The following PKD1 variants were observed in gnomAD, a reference collection of about 807,000 sequenced individuals.
PKD1 encodes the protein polycystin 1, transient receptor potential channel interacting, also known as polycystin-1.
In PKD1, 81 loss-of-function variants were observed where a neutral mutation model predicts 361.7. The ratio of observed to expected loss-of-function variants is 0.22; its 90% CI spans 0.19 to 0.27. PKD1 has a LOEUF of 0.27. Ranked by LOEUF, PKD1 falls within the 10% of genes least tolerant of loss-of-function variation. The probability of loss-of-function intolerance (pLI) is 1.00; values close to 1 mark genes in which losing one functional copy is unlikely to be tolerated. For synonymous variants in PKD1, 3,615 were observed against 2,818.3 expected (o/e 1.28, Z -8.95); for missense variants, 6,399 against 6,118.3 (o/e 1.05, Z -1.53).
rs571652255 is a variant in PKD1, at chr16:2,117,854, G to A, written c.1138C>T (p.Arg380Cys). 49 of 1,291,930 alleles carry A rather than the reference G, an allele frequency of 3.8e-5. No individual in the cohort carries two copies. The East Asian group carries it at 5.3e-4, about 14-fold the overall frequency. 80.0% of individuals were successfully genotyped at this position (1,291,930 alleles called of 1,614,324 possible). ...DESLDLSIQN[R>C]GGSGLEAAYS... Reference sequence around the variant, plus strand: ...GCGGCCTCCAGGCCTGAACCACCGCGGTTCTGGATGCTGAGGTCGAGGCTC... The same window carrying A: ...GCGGCCTCCAGGCCTGAACCACCGCAGTTCTGGATGCTGAGGTCGAGGCTC... The change falls in exon 5 of 46, where the codon CGC becomes TGC. Residue 380 changes from arginine to cysteine, a missense_variant. By Grantham distance (180) the Arg-to-Cys change is radical. Coordinates refer to ENST00000262304, the MANE Select transcript of PKD1 (RefSeq NM_001009944.3).
In PKD1 at chr16:2,089,786, T is replaced by A. The variant is rs1341672915; in HGVS notation, c.12853A>T (p.Thr4285Ser). 1 of 1,597,706 alleles carries A rather than the reference T, an allele frequency of 6.3e-7. No homozygotes were observed. The highest frequency in any genetic ancestry group is 8.5e-7 in the Non-Finnish European group (1 of 1,173,324). The part of the protein sequence containing the change: ...ARASRGVDLA[T>S]GPSRTPLRAK... ...CGAAGGGGTGTCCTGCTGGGGCCAG[T>A]GGCCAGGTCCACACCCCGACTGGCC... Residue 4285 changes from threonine (T) to serine (S), a missense_variant, in exon 46 of 46, where the codon ACT becomes TCT. Transcript: ENST00000262304.
In PKD1 at chr16:2,118,508, C is replaced by G; in HGVS notation, c.530-46G>C. 1 of 1,407,126 alleles carries G rather than the reference C, an allele frequency of 7.1e-7. No individual in the cohort carries two copies. Among genetic ancestry groups the G allele is most frequent in the African/African-American group, 1.4e-5 (1 of 70,596 alleles). 87.2% of individuals were successfully genotyped at this position (1,407,126 alleles called of 1,614,324 possible). On this transcript the variant is annotated intron_variant, in intron 4 of 45. Coordinates refer to ENST00000262304, the MANE Select transcript of PKD1 (RefSeq NM_001009944.3). The surrounding 1 kb of genome is among the most constrained non-coding windows in gnomAD (Gnocchi z 6.0). ...ACCCCGGGTTCTGCTCCTCCTGGCT[C>G]CACCCCACGCCCCCACATCCGCCCG...
Position 2,090,720 on chromosome 16 carries a change from A to T in PKD1, c.12092T>A (p.Leu4031Ter). 1 of 1,612,580 alleles carries T rather than the reference A, an allele frequency of 6.2e-7. No individual in the cohort carries two copies. Among genetic ancestry groups the T allele is most frequent in the Non-Finnish European group, 8.5e-7 (1 of 1,179,954 alleles). ...RALPELLGVT[L>*]GLVVLGVAYA... Reference sequence around the variant, plus strand: ...GGCTACCCCGAGCACCACCAGGCCCAAGGTGACCCCCAGGAGCTCTGGCAG... The same window carrying T: ...GGCTACCCCGAGCACCACCAGGCCCTAGGTGACCCCCAGGAGCTCTGGCAG... Residue 4031 changes from leucine (L) to a stop codon, truncating the protein, a stop_gained, in exon 44 of 46, where the codon TTG becomes TAG. Coordinates refer to ENST00000262304, the MANE Select transcript of PKD1 (RefSeq NM_001009944.3). LOFTEE classifies it high-confidence loss of function.
chr16:2,121,289 C>T (rs750652261), intron 1 of PKD1, among the ~76,000 whole-genome samples: 2 of 151,740 alleles, frequency 1.3e-5, no homozygotes, highest in African/African-American at 2.4e-5. Context: ...CACTTGAACC[C>T]GCGAGGCAGA....
rs903510529 is a variant in PKD1, at chr16:2,092,405, G to A, written c.11269+75C>T. ...CACACAGCTAGGGAGCAGGGCTGAT[G>A]CCAGAGCTCCGCTAAAGGCTGCTCT... On this transcript the variant is annotated intron_variant, in intron 39 of 45. Coordinates refer to ENST00000262304, the MANE Select transcript of PKD1 (RefSeq NM_001009944.3). 25 of 1,119,080 alleles carry A rather than the reference G, an allele frequency of 2.2e-5. No individual in the cohort carries two copies. The African/African-American group carries it at 2.7e-4, about 12-fold the overall frequency. The allele number at this position is 1,119,080 out of a possible 1,614,324, so 69.3% of individuals were successfully genotyped here. A position where few individuals can be genotyped will look rare whatever the true frequency, so the allele number is the denominator to read the frequency against.
intron 37 of PKD1, 186 bp downstream of exon 37, chr16:2,093,358 G>A: frequency 2.9e-6 from 2 of 696,366 alleles, no homozygotes; most frequent in Non-Finnish European, 4.8e-6. Context: ...CTGGGCCCTG[G>A]CAGGGACTGG....
At chr16:2,131,451 T>C (rs1169299448) in intron 1 of PKD1, among the ~76,000 whole-genome samples, 1 of 151,514 alleles carries the variant, frequency 6.6e-6, no homozygotes, top group African/African-American at 2.4e-5. Flanking sequence ...GAGCTTGCAG[T>C]GAGCTGAGAT....
At chr16:2,112,529 G>A (rs1434739806) in intron 13 of PKD1, 56 bp from the exon 14 acceptor site, 5 of 1,501,450 alleles carry the variant, frequency 3.3e-6, no homozygotes, top group Non-Finnish European at 4.5e-6. Context: ...GCGGTGGCGG[G>A]GCAGGGGGTG....
At position 2,118,707 on chromosome 16, in the gene PKD1, C is replaced by G. The variant is rs1331140897; in HGVS notation, c.498G>C (p.Leu166=). ...AGPGSLAGQP[L]LGIPLLDSGC... is the part of the protein sequence containing the mutation. ...CACTGTCCAGCAAGGGGATGCCAAG[C>G]AGAGGCTGGCCAGCCAGGGAGCCAG... Residue 166 remains leucine, a synonymous_variant, in exon 4 of 46, where the codon CTG becomes CTC. Transcript: ENST00000262304. This position sits in a 1 kb window ranked among gnomAD's most constrained non-coding sequence, Gnocchi z 6.0. 1 of 1,479,812 alleles carries G rather than the reference C, an allele frequency of 6.8e-7. No individual in the cohort carries two copies. Among genetic ancestry groups the G allele is most frequent in the Non-Finnish European group, 9.2e-7 (1 of 1,090,062 alleles). The allele number at this position is 1,479,812 out of a possible 1,614,324, so 91.7% of individuals were successfully genotyped here.
chr16:2,107,488 G>A (rs908621503), intron 16 of PKD1: 30 of 376,150 alleles, frequency 8.0e-5, no homozygotes, highest in African/African-American at 5.6e-4. Context: ...AGCAGGAGCA[G>A]CCACCACGGG....
chr16:2,110,571 C>T lies in PKD1; in HGVS notation c.4596G>A (p.Glu1532=). Residue 1532 remains glutamate (E), a synonymous_variant, in exon 15 of 46, where the codon GAG becomes GAA. Transcript: ENST00000262304. Reference sequence around the variant, plus strand: ...TGAGCCAGGCCTCGCTGCGGCTCACCTCATTCCAGCCGGCCACCCTAACGG... The same window carrying T: ...TGAGCCAGGCCTCGCTGCGGCTCACTTCATTCCAGCCGGCCACCCTAACGG... ...DFTVRVAGWN[E]VSRSEAWLNV... The T allele has an allele frequency of 6.2e-7, 1 of 1,611,126 alleles. No homozygotes were observed. Among genetic ancestry groups the T allele is most frequent in the Non-Finnish European group, 8.5e-7 (1 of 1,179,800 alleles).
chr16:2,097,378 T>C lies in PKD1; in HGVS notation c.10346A>G (p.Glu3449Gly). 6.2e-7 allele frequency: 1 copy of C among 1,611,746 alleles called. No homozygotes were observed. ...GCTGGCCAGGGAGAAGCCGTCCTCCTCTGGGCCCAGCCCATGGCCCGCCTG... is the reference window on the plus strand; with the variant it reads ...GCTGGCCAGGGAGAAGCCGTCCTCCCCTGGGCCCAGCCCATGGCCCGCCTG... ...RGQAGHGLGP[E>G]EDGFSLASPY... The change falls in exon 33 of 46, where the codon GAG becomes GGG. Residue 3449 changes from glutamate to glycine, a missense_variant. Glu to Gly is a moderately conservative substitution (Grantham distance 98, BLOSUM62 -2). Coordinates refer to ENST00000262304, the MANE Select transcript of PKD1 (RefSeq NM_001009944.3).
chr16:2,125,465 G>A (rs751882684), intron 1 of PKD1, among the ~76,000 whole-genome samples: 3 of 152,232 alleles, frequency 2.0e-5, no homozygotes, highest in African/African-American at 4.8e-5. Context: ...TCCCTCCCAC[G>A]GCTGAACTGT....
Position 2,104,830 on chromosome 16 carries a change from G to A in PKD1, c.8017-188C>T, listed in dbSNP as rs376805836. Among the ~76,000 whole-genome samples the A allele has an allele frequency of 4.5e-4, 62 of 136,848 alleles. 2 individuals are homozygous for A. The East Asian group carries it at 0.013, about 28-fold the overall frequency. 89.8% of individuals were successfully genotyped at this position (136,848 alleles called of 152,430 possible). A position where few individuals can be genotyped will look rare whatever the true frequency, so the allele number is the denominator to read the frequency against. On this transcript the variant is annotated intron_variant, in intron 21 of 45. Coordinates refer to ENST00000262304, the MANE Select transcript of PKD1 (RefSeq NM_001009944.3). ...CTGCATGACCCAGGGCCTCCACCTG[G>A]GGACCACGTGATGCAGCCCACCGAC...
Position 2,109,509 on chromosome 16 carries a change from G to A in PKD1, c.5658C>T (p.Pro1886=), listed in dbSNP as rs1035439615. 1 of 1,610,116 alleles carries A rather than the reference G, an allele frequency of 6.2e-7. No individual in the cohort carries two copies. Among genetic ancestry groups the A allele is most frequent in the South Asian group, 1.1e-5 (1 of 90,806 alleles). ...SATYNLTAEE[P]IVGLVLWASS... is the part of the protein sequence containing the mutation. Reference sequence around the variant, plus strand: ...TGGCCCACAGCACCAGGCCCACGATGGGCTCCTCCGCCGTGAGGTTGTACG... The same window carrying A: ...TGGCCCACAGCACCAGGCCCACGATAGGCTCCTCCGCCGTGAGGTTGTACG... The change falls in exon 15 of 46, where the codon CCC becomes CCT. Residue 1886 remains proline (P), a synonymous_variant. Transcript: ENST00000262304.
rs776868105 is a variant in PKD1 at position 2,110,232 on chromosome 16, G to A, written c.4935C>T (p.Pro1645=). 2 of 1,612,144 alleles carry A rather than the reference G, an allele frequency of 1.2e-6. No homozygotes were observed. Among genetic ancestry groups the A allele is most frequent in the Non-Finnish European group, 1.7e-6 (2 of 1,179,790 alleles). The change falls in exon 15 of 46, where the codon CCC becomes CCT. Residue 1645 remains proline (P), a synonymous_variant. Coordinates refer to ENST00000262304, the MANE Select transcript of PKD1 (RefSeq NM_001009944.3). ...LQVVGGGRYF[P]TNHTVQLQAV... ...CCTGCAGCTGTACCGTGTGGTTGGT[G>A]GGGAAGTAGCGGCCACCGCCCACCA... is the stretch of plus-strand genomic sequence containing the variant.
chr16:2,092,532 C>A lies in PKD1; in HGVS notation c.11217G>T (p.Gln3739His). The change falls in exon 39 of 46, where the codon CAG becomes CAT. Residue 3739 changes from glutamine (Q) to histidine (H), a missense_variant. Physicochemically the swap from Gln to His is conservative, Grantham distance 24 (BLOSUM62 0). Transcript: ENST00000262304. ...HVLLPYVHGNQSSPELGPPRL... is the reference protein window; with the variant it reads ...HVLLPYVHGNHSSPELGPPRL... ...GTGGGGGCCCCAGCTCTGGGCTGGACTGGTTCCCGTGGACGTAGGGCAGCA... is the reference window on the plus strand; with the variant it reads ...GTGGGGGCCCCAGCTCTGGGCTGGAATGGTTCCCGTGGACGTAGGGCAGCA... 7 of 1,612,802 alleles carry A rather than the reference C, an allele frequency of 4.3e-6. No homozygotes were observed. Among genetic ancestry groups the A allele is most frequent in the Non-Finnish European group, 5.9e-6 (7 of 1,179,924 alleles).
chr16:2,089,641 C>G lies in PKD1; in HGVS notation c.*86G>C. ...GGGAACCTACGTGCAGCCATTCTGC[C>G]TGGCCCTCGGCCTTGACAGCGGCAG... is the stretch of plus-strand genomic sequence containing the variant. On this transcript the variant is annotated 3_prime_UTR_variant, in exon 46 of 46. Transcript: ENST00000262304. The G allele has an allele frequency of 6.7e-7, 1 of 1,491,142 alleles. No individual in the cohort carries two copies. The highest frequency in any genetic ancestry group is 9.1e-7 in the Non-Finnish European group (1 of 1,099,370). 92.4% of individuals were successfully genotyped at this position (1,491,142 alleles called of 1,614,324 possible).
rs778660136 is a variant in PKD1 at position 2,117,635 on chromosome 16, G to A, written c.1239C>T (p.Phe413=). Residue 413 remains phenylalanine, a synonymous_variant, in exon 6 of 46, where the codon TTC becomes TTT. Coordinates refer to ENST00000262304, the MANE Select transcript of PKD1 (RefSeq NM_001009944.3). ...GGCGGTAGCAGTGCCCGTTGCCAGGGAAGATCTCCGTGTCCGAGGGGCAGA... is the reference window on the plus strand; with the variant it reads ...GGCGGTAGCAGTGCCCGTTGCCAGGAAAGATCTCCGTGTCCGAGGGGCAGA... ...HPLCPSDTEI[F]PGNGHCYRLV... The A allele has an allele frequency of 6.2e-6, 10 of 1,610,690 alleles. No homozygotes were observed. The highest frequency in any genetic ancestry group is 2.5e-6 in the Non-Finnish European group (3 of 1,179,698).
Sources: gnomAD v4.1 joint callset for allele counts (sites outside exome capture counted in the v4.1 genomes callset) on GRCh38, gnomAD v4.1.1 for gene constraint, Gnocchi (gnomAD v3.1) non-coding constraint, MANE v1.5 for transcripts, NCBI Gene and HGNC (gene_info 2026-07-23, HGNC 2026-07-21) for gene names.